The following RIPOR3 variants were observed in gnomAD, a reference collection of about 807,000 sequenced individuals.
RIPOR3 encodes family with sequence similarity 65 member C.
A neutral mutation model predicts 114.3 loss-of-function variants in RIPOR3; 95 were observed. The observed-to-expected ratio is 0.83, with a 90% CI of 0.70 to 0.99. The LOEUF (loss-of-function observed/expected upper bound fraction) is 0.99. Among genes scored for constraint, RIPOR3 ranks in the 50% least tolerant of loss-of-function variants. RIPOR3 has a pLI of 0.00. For missense variants in RIPOR3, 1,252 were observed against 1,266.9 expected (o/e 0.99, Z 0.18); for synonymous variants, 575 against 543.8 (o/e 1.06, Z -0.80).
intron 2 of RIPOR3, among the ~76,000 whole-genome samples, chr20:50,624,184 G>A (rs80019637): frequency 0.037 from 5,679 of 152,274 alleles, 159 homozygotes; most frequent in East Asian, 0.084. Flanking sequence ...GCCCACAGGG[G>A]CTGTGCTCCC....
In RIPOR3 at chr20:50,619,976, C is replaced by T. The variant is rs779167651; in HGVS notation, c.269+10G>A. ...GCACTTCTTAAAGGCAGCACACAGC[C>T]CAGCCTTACTTGAGGCCTCTTTTCA... On this transcript the variant is annotated intron_variant, in intron 3 of 21. Coordinates refer to ENST00000327979, the MANE Select transcript of RIPOR3 (RefSeq NM_001290268.2). 12 of 1,610,262 alleles carry T rather than the reference C, an allele frequency of 7.5e-6. No homozygotes were observed. The Admixed American group carries it at 1.8e-4, about 25-fold the overall frequency.
At chr20:50,620,676 T>TAAAA (rs869235517) in intron 2 of RIPOR3, 2 of 155,010 alleles carry the variant, frequency 1.3e-5, no homozygotes, top group African/African-American at 6.2e-5. Flanking sequence ...AATAAATAAA[T>TAAAA]AAAAATAAGG....
chr20:50,603,066 A>T (rs1220206486), intron 12 of RIPOR3, among the ~76,000 whole-genome samples: 2 of 151,900 alleles, frequency 1.3e-5, no homozygotes, highest in African/African-American at 4.8e-5. Context: ...GGCAATTTCT[A>T]CCTGGCCCCA....
intron 17 of RIPOR3, 96 bp from the exon 18 acceptor site, chr20:50,593,292 G>T: frequency 7.1e-7 from 1 of 1,411,908 alleles, no homozygotes; most frequent in Non-Finnish European, 9.5e-7. Context: ...GGCTTTCTGG[G>T]CCGGGCGCAG....
At position 50,633,842 on chromosome 20, in the gene RIPOR3, C is replaced by T. The variant is rs903606539; in HGVS notation, c.4-2986G>A. Among the ~76,000 whole-genome samples, 4 of 152,102 alleles carry T rather than the reference C, an allele frequency of 2.6e-5. 1 individual carries two copies. The South Asian group carries it at 6.2e-4, about 24-fold the overall frequency. On this transcript the variant is annotated intron_variant, in intron 1 of 21. Transcript: ENST00000327979. The stretch of plus-strand genomic sequence containing the variant: ...GGAGCAGACCTGCAGAACCTGACAG[C>T]GGATTCATCACTCATAGCACTGTGA...
At chr20:50,653,594 A>ATT (rs34068674) in intron 1 of RIPOR3, among the ~76,000 whole-genome samples, 2,735 of 144,852 alleles carry the variant, frequency 0.019, 92 homozygotes, top group African/African-American at 0.063. Context: ...CACTTGGCTA[A>ATT]TTTTTTTTTT....
At chr20:50,623,939 C>T (rs2426172) in intron 2 of RIPOR3, among the ~76,000 whole-genome samples, 18,819 of 152,210 alleles carry the variant, frequency 0.12, 2,844 homozygotes, top group African/African-American at 0.36. Context: ...CAGGTTCAAG[C>T]GATTCTCCTG....
intron 1 of RIPOR3, among the ~76,000 whole-genome samples, chr20:50,639,887 G>T (rs2085127316): frequency 6.6e-6 from 1 of 152,042 alleles, no homozygotes; most frequent in South Asian, 2.1e-4. Context: ...TGCTGTGGAG[G>T]CTGTCCTGTG....
At chr20:50,664,136 A>G (rs2086104828) in intron 1 of RIPOR3, among the ~76,000 whole-genome samples, 1 of 152,196 alleles carries the variant, frequency 6.6e-6, no homozygotes, top group South Asian at 2.1e-4. Context: ...CATGTTGGTC[A>G]GGCTGGTCTC....
intron 1 of RIPOR3, among the ~76,000 whole-genome samples, chr20:50,678,067 C>G (rs943612464): frequency 1.3e-5 from 2 of 152,156 alleles, no homozygotes; most frequent in African/African-American, 4.8e-5. Flanking sequence ...AAATCAGCCT[C>G]CTGACTCCCC....
chr20:50,679,791 C>A (rs2086802961), intron 1 of RIPOR3, among the ~76,000 whole-genome samples: 1 of 147,326 alleles, frequency 6.8e-6, no homozygotes, highest in Non-Finnish European at 1.5e-5. Flanking sequence ...ACCGTCTCTA[C>A]TAAAAAACTG....
intron 1 of RIPOR3, among the ~76,000 whole-genome samples, chr20:50,644,148 A>T (rs1254910194): frequency 1.3e-5 from 2 of 152,060 alleles, no homozygotes; most frequent in South Asian, 2.1e-4. Context: ...AATAAAAAAT[A>T]AAAATGTCCC....
chr20:50,682,415 C>G (rs1219150794), intron 1 of RIPOR3, among the ~76,000 whole-genome samples: 1 of 152,100 alleles, frequency 6.6e-6, no homozygotes, highest in Non-Finnish European at 1.5e-5. Context: ...TGAGGCCAGC[C>G]TGGGCAATAT....
At chr20:50,616,132 AAG>A (rs1350871553) in intron 3 of RIPOR3, 52 bp from the exon 4 acceptor site, 10 of 1,564,468 alleles carry the variant, frequency 6.4e-6, no homozygotes, top group Non-Finnish European at 8.7e-6. Context: ...AAGAAAGGGA[AAG>A]GAAGTAGGCC....
chr20:50,619,999 T>A lies in RIPOR3; in HGVS notation c.256A>T (p.Lys86Ter). The change falls in exon 3 of 22, where the codon AAA (lysine) becomes TAA (stop). Residue 86 changes from lysine (K) to a stop codon, truncating the protein, a stop_gained. Coordinates refer to ENST00000327979, the MANE Select transcript of RIPOR3 (RefSeq NM_001290268.2). LOFTEE classifies it high-confidence loss of function. ...QQVKKIFEAL[K>*]RGLKEYLCVQ... ...GCCCAGCCTTACTTGAGGCCTCTTT[T>A]CAATGCTTCGAAGATCTTCTTCACC... The A allele has an allele frequency of 6.2e-7, 1 of 1,612,466 alleles. No homozygotes were observed.
Position 50,588,783 on chromosome 20 carries a change from C to A in RIPOR3, c.2662-891G>T, listed in dbSNP as rs7508819. On this transcript the variant is annotated intron_variant, in intron 20 of 21. Coordinates refer to ENST00000327979, the MANE Select transcript of RIPOR3 (RefSeq NM_001290268.2). ...AAAAAAAAAAAGAAAAAAAACACCA[C>A]AAATAAAGAATTCTAGGCCGGGCGC... Among the ~76,000 whole-genome samples, 21 of 146,680 alleles carry A rather than the reference C, an allele frequency of 1.4e-4. No homozygotes were observed. In the East Asian group the frequency reaches 1.6e-3, roughly 11 times the overall value.
At chr20:50,664,550 G>A (rs1186097893) in intron 1 of RIPOR3, among the ~76,000 whole-genome samples, 1 of 152,190 alleles carries the variant, frequency 6.6e-6, no homozygotes, top group African/African-American at 2.4e-5. Flanking sequence ...CGGGAAAGGG[G>A]GCTGGCTGAG....
chr20:50,621,777 C>G (rs570616168), intron 2 of RIPOR3, among the ~76,000 whole-genome samples: 4 of 152,294 alleles, frequency 2.6e-5, no homozygotes, highest in African/African-American at 9.6e-5. Context: ...GTGGACTTTG[C>G]AGTTACATGA....
At chr20:50,679,365 G>A (rs889026126) in intron 1 of RIPOR3, among the ~76,000 whole-genome samples, 47 of 150,502 alleles carry the variant, frequency 3.1e-4, no homozygotes, top group African/African-American at 1.0e-3. Context: ...GGACTGGGCC[G>A]GGCACGGTGG....
Sources: allele counts gnomAD v4.1 joint callset (sites outside exome capture counted in the v4.1 genomes callset), GRCh38; gene constraint gnomAD v4.1.1; transcripts MANE v1.5; gene names NCBI Gene and HGNC (gene_info 2026-07-23, HGNC 2026-07-21).